Variants in DCC observed in about 807,000 individuals in gnomAD.
DCC encodes the protein netrin receptor DCC.
In DCC, 58 loss-of-function variants were observed where a neutral mutation model predicts 172.5. The ratio of observed to expected loss-of-function variants is 0.34; its 90% CI spans 0.27 to 0.42. The LOEUF is 0.42. Among genes scored for constraint, DCC ranks in the 10% least tolerant of loss-of-function variants. The pLI is 1.00. For synonymous variants in DCC, 709 were observed against 644.5 expected (o/e 1.10, Z -1.52); for missense variants, 1,740 against 1,791.0 (o/e 0.97, Z 0.51).
chr18:53,107,085 T>C (rs1190491271), intron 7 of DCC, among the ~76,000 whole-genome samples: 1 of 151,854 alleles, frequency 6.6e-6, no homozygotes, highest in Non-Finnish European at 1.5e-5. Flanking sequence ...TTCTTAACCA[T>C]AAACATCCTC....
intron 5 of DCC, among the ~76,000 whole-genome samples, chr18:53,034,891 G>C (rs1387708860): frequency 6.6e-6 from 1 of 151,912 alleles, no homozygotes; most frequent in Admixed American, 6.6e-5. Context: ...GAGATTTGCT[G>C]TTCTCCCTGC....
intron 15 of DCC, among the ~76,000 whole-genome samples, chr18:53,376,638 T>G (rs996255279): frequency 6.6e-6 from 1 of 152,126 alleles, no homozygotes; most frequent in African/African-American, 2.4e-5. Flanking sequence ...GCTGCTTTCC[T>G]GAGCTCCAAA....
chr18:53,043,017 C>T (rs1164554664), intron 5 of DCC, among the ~76,000 whole-genome samples: 2 of 151,824 alleles, frequency 1.3e-5, no homozygotes, highest in African/African-American at 2.4e-5. Context: ...CATATGCACA[C>T]GTATGTTTAT....
intron 26 of DCC, among the ~76,000 whole-genome samples, chr18:53,488,052 C>T (rs1315221996): frequency 6.6e-6 from 1 of 152,134 alleles, no homozygotes; most frequent in Non-Finnish European, 1.5e-5. Flanking sequence ...GTTTAGTATT[C>T]GGTCTATTGG....
intron 2 of DCC, among the ~76,000 whole-genome samples, chr18:52,783,242 A>G (rs578088653): frequency 1.3e-5 from 2 of 150,978 alleles, no homozygotes; most frequent in South Asian, 4.2e-4. Context: ...TGCTCTTAAA[A>G]GTGGTTTAAC....
At chr18:52,458,943 A>C (rs1317670051) in intron 1 of DCC, among the ~76,000 whole-genome samples, 1 of 152,212 alleles carries the variant, frequency 6.6e-6, no homozygotes, top group Non-Finnish European at 1.5e-5. Flanking sequence ...AGCCTGAAAC[A>C]TGGAAAGGGG....
At chr18:52,950,855 G>A (rs1359000029) in intron 5 of DCC, among the ~76,000 whole-genome samples, 1 of 146,348 alleles carries the variant, frequency 6.8e-6, no homozygotes, top group Non-Finnish European at 1.5e-5. Flanking sequence ...AACCCGGGAG[G>A]CGGAGCTTGC....
At chr18:53,490,585 C>T (rs935837855) in intron 26 of DCC, among the ~76,000 whole-genome samples, 1 of 152,126 alleles carries the variant, frequency 6.6e-6, no homozygotes, top group Non-Finnish European at 1.5e-5. Context: ...GTATTTGATT[C>T]TCACTCGATA....
At chr18:52,626,209 T>C (rs2034571138) in intron 1 of DCC, among the ~76,000 whole-genome samples, 1 of 152,172 alleles carries the variant, frequency 6.6e-6, no homozygotes, top group Non-Finnish European at 1.5e-5. Flanking sequence ...CAGAGCACAA[T>C]TCTTTATTTC....
At chr18:52,828,647 C>T (rs16955617) in intron 2 of DCC, among the ~76,000 whole-genome samples, 13,377 of 152,066 alleles carry the variant, frequency 0.088, 1,931 homozygotes, top group African/African-American at 0.3. Context: ...CAACAGAAGA[C>T]TCATTTCTGA....
chr18:53,280,424 C>G (rs1460117975), intron 12 of DCC, among the ~76,000 whole-genome samples: 1 of 151,982 alleles, frequency 6.6e-6, no homozygotes, highest in Non-Finnish European at 1.5e-5. Context: ...AATAGTTATT[C>G]CACATTTCAA....
At chr18:53,472,209 G>C (rs765483128) in intron 25 of DCC, among the ~76,000 whole-genome samples, 2 of 152,080 alleles carry the variant, frequency 1.3e-5, no homozygotes, top group Non-Finnish European at 2.9e-5. Context: ...GCGTCTCATT[G>C]TTAGGTTCTC....
chr18:53,203,414 AAC>A (rs1491015139), intron 9 of DCC, among the ~76,000 whole-genome samples: 3 of 152,070 alleles, frequency 2.0e-5, no homozygotes, highest in Admixed American at 1.3e-4. Context: ...AAGGAAAAAA[AAC>A]ACAGTAATTT....
intron 27 of DCC, among the ~76,000 whole-genome samples, chr18:53,510,761 A>G (rs1171785533): frequency 1.3e-5 from 2 of 152,210 alleles, no homozygotes; most frequent in Non-Finnish European, 2.9e-5. Flanking sequence ...ATCAACATAG[A>G]GAAGACAGCA....
chr18:53,273,590 T>A (rs548681000), intron 12 of DCC, among the ~76,000 whole-genome samples: 2 of 152,256 alleles, frequency 1.3e-5, no homozygotes, highest in South Asian at 4.1e-4. Flanking sequence ...ATTTCATGAG[T>A]GTTGCCTGAA....
intron 26 of DCC, among the ~76,000 whole-genome samples, chr18:53,497,844 A>G: frequency 6.6e-6 from 1 of 152,180 alleles, no homozygotes; most frequent in African/African-American, 2.4e-5. Flanking sequence ...GGTAAGAAAG[A>G]TTTCCTAGCC....
At chr18:52,928,250 G>A (rs1045733100) in intron 5 of DCC, among the ~76,000 whole-genome samples, 1 of 152,074 alleles carries the variant, frequency 6.6e-6, no homozygotes, top group South Asian at 2.1e-4. Flanking sequence ...TTAGGTACTT[G>A]ATGTTTAGTT....
At position 52,980,029 on chromosome 18, in the gene DCC, C is replaced by T. The variant is rs58265947; in HGVS notation, c.985+54659C>T. 1.1e-3 allele frequency among the ~76,000 whole-genome samples: 168 copies of T among 152,136 alleles called. 2 individuals carry two copies. The highest frequency in any genetic ancestry group is 4.0e-3 in the African/African-American group (164 of 41,506). ...TCCCCTGAGACATAGGCACGGCTTT[C>T]GTGTTCAATCACTGTATTTAATTCA... On this transcript the variant is annotated intron_variant, in intron 5 of 28. Coordinates refer to ENST00000442544, the MANE Select transcript of DCC (RefSeq NM_005215.4).
At chr18:53,145,372 C>T (rs946959143) in intron 7 of DCC, among the ~76,000 whole-genome samples, 1 of 152,050 alleles carries the variant, frequency 6.6e-6, no homozygotes, top group African/African-American at 2.4e-5. Flanking sequence ...CTCGGCCTCC[C>T]GAAGTGCTGG....
Sources: allele counts gnomAD v4.1 joint callset (sites outside exome capture counted in the v4.1 genomes callset), GRCh38; gene constraint gnomAD v4.1.1; transcripts MANE v1.5; gene names NCBI Gene and HGNC (gene_info 2026-07-23, HGNC 2026-07-21).